NRIP1: variants seen among roughly 807,000 people sequenced by gnomAD.
NRIP1 encodes the protein nuclear receptor interacting protein 1.
A neutral mutation model predicts 75.0 loss-of-function variants in NRIP1; 28 were observed. The observed-to-expected ratio is 0.37, with a 90% CI of 0.28 to 0.51. NRIP1 has a LOEUF of 0.51. Ranked by LOEUF, NRIP1 falls within the 20% of genes least tolerant of loss-of-function variation. NRIP1 has a pLI of 0.92. For synonymous variants in NRIP1, 526 were observed against 487.6 expected, an observed-to-expected ratio of 1.08 and a Z score of -1.04; for missense variants, 1,435 against 1,343.7, an observed-to-expected ratio of 1.07 and a Z score of -1.06.
chr21:15,017,307 C>A (rs1287297269), intron 2 of NRIP1, among the ~76,000 whole-genome samples: 1 of 152,136 alleles, frequency 6.6e-6, no homozygotes, highest in Non-Finnish European at 1.5e-5. Context: ...ATCCTCCCGA[C>A]TCAACCTCCC....
At chr21:15,036,091 A>G (rs529777045) in intron 2 of NRIP1, among the ~76,000 whole-genome samples, 1 of 152,324 alleles carries the variant, frequency 6.6e-6, no homozygotes, top group Non-Finnish European at 1.5e-5. Flanking sequence ...TTTCTATGAC[A>G]ATAAACAGGC....
At chr21:14,989,259 T>C (rs552719555) in intron 3 of NRIP1, among the ~76,000 whole-genome samples, 2 of 152,342 alleles carry the variant, frequency 1.3e-5, no homozygotes, top group South Asian at 4.1e-4. Flanking sequence ...CATGTGGCTC[T>C]GAATTTCAAA....
chr21:15,015,755 A>C (rs970689750), intron 2 of NRIP1, among the ~76,000 whole-genome samples: 2 of 152,174 alleles, frequency 1.3e-5, no homozygotes, highest in South Asian at 2.1e-4. Flanking sequence ...TTTTTGTTTT[A>C]AACAAAAGTA....
intron 1 of NRIP1, among the ~76,000 whole-genome samples, chr21:15,060,207 C>G (rs2089394928): frequency 6.6e-6 from 1 of 152,136 alleles, no homozygotes; most frequent in Non-Finnish European, 1.5e-5. Flanking sequence ...CATTTCATAA[C>G]TCGTAGTAAA....
At chr21:14,974,468 T>C (rs1037866318) in intron 3 of NRIP1, among the ~76,000 whole-genome samples, 1 of 152,220 alleles carries the variant, frequency 6.6e-6, no homozygotes, top group South Asian at 2.1e-4. Context: ...ATTTTTAGAC[T>C]AACAGCAATT....
In NRIP1 at chr21:15,028,213, G is replaced by A. The variant is rs543797105; in HGVS notation, c.-457-13747C>T. On this transcript the variant is annotated intron_variant, in intron 2 of 3. Coordinates refer to ENST00000318948, the MANE Select transcript of NRIP1 (RefSeq NM_003489.4). ...TGCTGCATTCTTGTTAAATGCAAAT[G>A]AGTACAATAATCTTGTTAAAAGACA... Among the ~76,000 whole-genome samples, 5 of 152,324 alleles carry A rather than the reference G, an allele frequency of 3.3e-5. No individual in the cohort carries two copies. In the South Asian group the frequency reaches 8.3e-4, roughly 25 times the overall value.
chr21:15,027,021 C>T (rs2088537331), intron 2 of NRIP1, among the ~76,000 whole-genome samples: 1 of 151,840 alleles, frequency 6.6e-6, no homozygotes, highest in Admixed American at 6.6e-5. Context: ...TACACTTGTA[C>T]CCACAAAAAC....
intron 3 of NRIP1, among the ~76,000 whole-genome samples, chr21:14,983,000 C>T (rs1246189291): frequency 6.6e-6 from 1 of 152,028 alleles, no homozygotes. Flanking sequence ...CTGTTCCCAT[C>T]TCTCTCCCTC....
intron 1 of NRIP1, among the ~76,000 whole-genome samples, chr21:15,057,278 A>G (rs1450901378): frequency 1.3e-5 from 2 of 152,246 alleles, no homozygotes; most frequent in Non-Finnish European, 2.9e-5. Flanking sequence ...GTGGACAAAC[A>G]TAACTAGCCT....
At chr21:15,011,818 A>G (rs1260898700) in intron 3 of NRIP1, among the ~76,000 whole-genome samples, 1 of 152,232 alleles carries the variant, frequency 6.6e-6, no homozygotes, top group African/African-American at 2.4e-5. Flanking sequence ...GAAAGTATAT[A>G]AAGTCCTATA....
In NRIP1 at chr21:14,963,224, G is replaced by C. The variant is rs1467356351; in HGVS notation, c.*1492C>G. 4 of 152,544 alleles carry C rather than the reference G, an allele frequency of 2.6e-5. No homozygotes were observed. The South Asian group carries it at 8.3e-4, about 32-fold the overall frequency. The allele number at this position is 152,544 out of a possible 1,614,324, so 9.4% of individuals were successfully genotyped here. On this transcript the variant is annotated 3_prime_UTR_variant, in exon 4 of 4. Coordinates refer to ENST00000318948, the MANE Select transcript of NRIP1 (RefSeq NM_003489.4). ...CTTGGGTTTAAACTAAATGTTGTAA[G>C]CTTTGTTGGCATTGTTCTTAGGACA...
chr21:15,056,073 T>G (rs1163043543), intron 1 of NRIP1, among the ~76,000 whole-genome samples: 1 of 152,094 alleles, frequency 6.6e-6, no homozygotes, highest in African/African-American at 2.4e-5. Context: ...CATTATTTTA[T>G]TTATAGTCTA....
At chr21:14,973,936 TA>T (rs922985731) in intron 3 of NRIP1, among the ~76,000 whole-genome samples, 11 of 151,448 alleles carry the variant, frequency 7.3e-5, no homozygotes, top group African/African-American at 2.4e-4. Context: ...CCTCCTGCCT[TA>T]GCCTCTCAAA....
chr21:15,060,928 C>A (rs1330383545), intron 1 of NRIP1, among the ~76,000 whole-genome samples: 1 of 152,130 alleles, frequency 6.6e-6, no homozygotes, highest in African/African-American at 2.4e-5. Flanking sequence ...GTTTCACCAT[C>A]TGACACTCCT....
At chr21:15,005,532 A>AG (rs2087947090) in intron 3 of NRIP1, among the ~76,000 whole-genome samples, 1 of 152,170 alleles carries the variant, frequency 6.6e-6, no homozygotes, top group Non-Finnish European at 1.5e-5. Flanking sequence ...CAGCACAGCA[A>AG]GGGTCGAGAT....
At chr21:15,011,827 T>A (rs1479355824) in intron 3 of NRIP1, among the ~76,000 whole-genome samples, 5 of 152,120 alleles carry the variant, frequency 3.3e-5, no homozygotes, top group African/African-American at 1.2e-4. Flanking sequence ...TAAAGTCCTA[T>A]AAAATATAAA....
At chr21:14,986,714 A>G (rs2087414755) in intron 3 of NRIP1, among the ~76,000 whole-genome samples, 1 of 152,152 alleles carries the variant, frequency 6.6e-6, no homozygotes, top group Non-Finnish European at 1.5e-5. Flanking sequence ...TTCCTTGTCT[A>G]TAATTAGAAA....
intron 3 of NRIP1, among the ~76,000 whole-genome samples, chr21:14,984,269 G>T (rs1337300616): frequency 1.3e-5 from 2 of 152,118 alleles, no homozygotes; most frequent in Admixed American, 1.3e-4. Context: ...AACTGCAGAT[G>T]TGGTAGAAAA....
chr21:15,055,694 T>C (rs181125778), intron 1 of NRIP1, among the ~76,000 whole-genome samples: 1 of 152,324 alleles, frequency 6.6e-6, no homozygotes, highest in African/African-American at 2.4e-5. Flanking sequence ...TTTCTGAGAC[T>C]GCTTTGACAA....
Sources: allele counts gnomAD v4.1 joint callset (sites outside exome capture counted in the v4.1 genomes callset), GRCh38; gene constraint gnomAD v4.1.1; transcripts MANE v1.5; gene names NCBI Gene and HGNC (gene_info 2026-07-23, HGNC 2026-07-21).